The following SHANK2 variants were observed in gnomAD, a reference collection of about 807,000 sequenced individuals.
SHANK2 encodes the protein SH3 and multiple ankyrin repeat domains 2.
SHANK2 carries 43 observed loss-of-function variants against 133.7 expected under a neutral mutation model. The ratio of observed to expected loss-of-function variants is 0.32; its 90% CI spans 0.25 to 0.41. SHANK2 has a LOEUF of 0.41. Among genes scored for constraint, SHANK2 ranks in the 10% least tolerant of loss-of-function variants. SHANK2 has a pLI of 1.00. For missense variants in SHANK2, 1,994 were observed against 2,235.8 expected (o/e 0.89, Z 2.18); for synonymous variants, 1,017 against 952.8 (o/e 1.07, Z -1.24).
chr11:70,676,517 C>A (rs1340955051), intron 15 of SHANK2, among the ~76,000 whole-genome samples: 1 of 152,244 alleles, frequency 6.6e-6, no homozygotes, highest in East Asian at 1.9e-4. Context: ...AAGAGGCCTT[C>A]AGAGATGTCA....
At chr11:71,108,478 G>A (rs1182185419) in intron 6 of SHANK2, among the ~76,000 whole-genome samples, 3 of 152,000 alleles carry the variant, frequency 2.0e-5, no homozygotes, top group Non-Finnish European at 4.4e-5. Flanking sequence ...CCCACCACAT[G>A]CCCTTGTCCC....
chr11:71,137,299 TA>T (rs10534209), intron 3 of SHANK2, among the ~76,000 whole-genome samples: 6,342 of 112,644 alleles, frequency 0.056, 200 homozygotes, highest in African/African-American at 0.11. Context: ...AATCCTTACT[TA>T]AAAAAAAAAA....
rs181387241 is a variant in SHANK2 at position 70,487,892 on chromosome 11, G to C, written c.2573-172C>G. Among the ~76,000 whole-genome samples, 4 of 152,332 alleles carry C rather than the reference G, an allele frequency of 2.6e-5. No individual in the cohort carries two copies. The highest frequency in any genetic ancestry group is 2.1e-4 in the South Asian group (1 of 4,828). The stretch of plus-strand genomic sequence containing the variant: ...CGAGTGGTTAGTCACATGGCCCGTC[G>C]TGAGCCAAAGGACAAGAAAGGGAAG... On this transcript the variant is annotated intron_variant, in intron 24 of 25. Transcript: ENST00000601538. The surrounding 1 kb of genome is among the most constrained non-coding windows in gnomAD (Gnocchi z 5.8).
chr11:70,599,434 C>T (rs1349745415), intron 17 of SHANK2, among the ~76,000 whole-genome samples: 2 of 103,600 alleles, frequency 1.9e-5, no homozygotes, highest in African/African-American at 6.2e-5. Flanking sequence ...GGTGAAACCC[C>T]GTCTCTACTA....
At chr11:70,878,368 C>T (rs1555071754) in intron 11 of SHANK2, among the ~76,000 whole-genome samples, 1 of 152,228 alleles carries the variant, frequency 6.6e-6, no homozygotes, top group Non-Finnish European at 1.5e-5. Context: ...TTCCCCTCCA[C>T]ATAGAAGGGA....
intron 17 of SHANK2, among the ~76,000 whole-genome samples, chr11:70,539,919 G>A (rs1025729965): frequency 6.6e-6 from 1 of 152,148 alleles, no homozygotes; most frequent in Non-Finnish European, 1.5e-5. Context: ...GCATTTTTGT[G>A]CCCCTGGTGG....
intron 14 of SHANK2, among the ~76,000 whole-genome samples, chr11:70,792,268 TAGCC>T (rs1196217864): frequency 7.4e-6 from 1 of 135,046 alleles, no homozygotes; most frequent in East Asian, 2.2e-4. Flanking sequence ...ACCAGCCAGC[TAGCC>T]AGCCAGCCAG....
intron 17 of SHANK2, among the ~76,000 whole-genome samples, chr11:70,528,924 C>T (rs182801285): frequency 1.2e-4 from 18 of 152,278 alleles, no homozygotes; most frequent in Non-Finnish European, 1.9e-4. Context: ...ATAAAAGGTC[C>T]TGGGGAGGCC....
intron 17 of SHANK2, among the ~76,000 whole-genome samples, chr11:70,546,047 C>T (rs1006135642): frequency 5.3e-5 from 8 of 151,990 alleles, no homozygotes; most frequent in Non-Finnish European, 1.0e-4. Flanking sequence ...TGGGTACCAC[C>T]AGCTTGGAAC....
intron 10 of SHANK2, among the ~76,000 whole-genome samples, chr11:70,912,105 A>C (rs1426238067): frequency 2.4e-5 from 3 of 122,836 alleles, no homozygotes; most frequent in Non-Finnish European, 5.0e-5. Context: ...AAAAAAAAAA[A>C]AAAAAAAAAA....
intron 13 of SHANK2, among the ~76,000 whole-genome samples, chr11:70,802,648 G>A (rs192306358): frequency 1.3e-5 from 2 of 152,340 alleles, no homozygotes; most frequent in Admixed American, 1.3e-4. Flanking sequence ...GTCAAGGACT[G>A]TGCTGGTGTC....
intron 9 of SHANK2, among the ~76,000 whole-genome samples, chr11:71,067,805 T>G (rs1951086322): frequency 6.6e-6 from 1 of 150,760 alleles, no homozygotes; most frequent in Non-Finnish European, 1.5e-5. Flanking sequence ...ACTACCACTA[T>G]GACCATGAAC....
At chr11:70,627,962 T>C (rs1461602817) in intron 17 of SHANK2, among the ~76,000 whole-genome samples, 3 of 152,022 alleles carry the variant, frequency 2.0e-5, no homozygotes, top group African/African-American at 7.3e-5. Context: ...AAGAGAGTTG[T>C]TTTTTGTTTT....
At chr11:70,705,241 T>C (rs2134539034) in intron 14 of SHANK2, 1 of 152,234 alleles carries the variant, frequency 6.6e-6, no homozygotes. Flanking sequence ...GATCAATGAG[T>C]TGTAAACACT....
In SHANK2 at chr11:71,159,037, T is replaced by C. The variant is rs1555109473; in HGVS notation, c.-12-11699A>G. Among the ~76,000 whole-genome samples the C allele has an allele frequency of 2.6e-5, 4 of 152,232 alleles. No individual in the cohort carries two copies. The South Asian group carries it at 6.2e-4, about 24-fold the overall frequency. On this transcript the variant is annotated intron_variant, in intron 2 of 25. Transcript: ENST00000601538. Reference sequence around the variant, plus strand: ...AAGGTCCCTAAGACGGGATTCTGGCTTCTCAATAAATGCTGCTTTATTGCT... The same window carrying C: ...AAGGTCCCTAAGACGGGATTCTGGCCTCTCAATAAATGCTGCTTTATTGCT...
At chr11:70,531,344 G>A (rs1477325896) in intron 17 of SHANK2, among the ~76,000 whole-genome samples, 1 of 152,338 alleles carries the variant, frequency 6.6e-6, no homozygotes, top group South Asian at 2.1e-4. Context: ...CTGGTGGTGG[G>A]GCCACTCTTT....
intron 3 of SHANK2, among the ~76,000 whole-genome samples, chr11:71,130,460 G>A (rs143449917): frequency 6.6e-6 from 1 of 152,354 alleles, no homozygotes; most frequent in East Asian, 1.9e-4. Flanking sequence ...TTTGGGCCCT[G>A]TAAAATGGCG....
intron 14 of SHANK2, among the ~76,000 whole-genome samples, chr11:70,712,715 G>T (rs782779706): frequency 6.6e-6 from 1 of 152,218 alleles, no homozygotes; most frequent in African/African-American, 2.4e-5. Flanking sequence ...CCGCCAGCAC[G>T]ATGGTTCCTC....
chr11:70,598,410 T>C (rs1279172507), intron 17 of SHANK2, among the ~76,000 whole-genome samples: 3 of 152,164 alleles, frequency 2.0e-5, no homozygotes, highest in East Asian at 3.9e-4. Flanking sequence ...TTCTGTAACC[T>C]TGAAAGAGAT....
Sources: gnomAD v4.1 joint callset for allele counts (sites outside exome capture counted in the v4.1 genomes callset) on GRCh38, gnomAD v4.1.1 for gene constraint, Gnocchi (gnomAD v3.1) non-coding constraint, MANE v1.5 for transcripts, NCBI Gene and HGNC (gene_info 2026-07-23, HGNC 2026-07-21) for gene names.